The following PLAAT2 variants were observed in gnomAD, a reference collection of about 807,000 sequenced individuals.
PLAAT2 encodes the protein phospholipase A and acyltransferase 2.
PLAAT2 carries 12 observed loss-of-function variants against 12.8 expected under a neutral mutation model. The ratio of observed to expected loss-of-function variants is 0.94; its 90% CI spans 0.60 to 1.52. The LOEUF is 1.52. PLAAT2 is among the 40% of genes most tolerant of loss of function. PLAAT2 has a pLI of 0.00. For synonymous variants in PLAAT2, 79 were observed against 86.8 expected, an observed-to-expected ratio of 0.91 and a Z score of 0.50; for missense variants, 166 against 208.1, an observed-to-expected ratio of 0.80 and a Z score of 1.24.
Position 63,552,944 on chromosome 11 carries a change from G to A in PLAAT2, c.*20C>T. On this transcript the variant is annotated 3_prime_UTR_variant, in exon 4 of 4. Transcript: ENST00000255695. ...TATTCCTCCGTAAGAATTGGTGGTT[G>A]TTGGGACAATTTCTTGGATTTATTG... is the stretch of plus-strand genomic sequence containing the variant. The A allele has an allele frequency of 6.5e-7, 1 of 1,546,460 alleles. No homozygotes were observed. The highest frequency in any genetic ancestry group is 1.1e-5 in the South Asian group (1 of 89,540).
At chr11:63,554,461 C>T (rs1181980442) in intron 3 of PLAAT2, among the ~76,000 whole-genome samples, 13 of 151,746 alleles carry the variant, frequency 8.6e-5, no homozygotes, top group African/African-American at 2.7e-4. Flanking sequence ...GTGAGACCCC[C>T]GTCTCCACTA....
intron 1 of PLAAT2, among the ~76,000 whole-genome samples, chr11:63,561,531 C>G (rs1298194326): frequency 1.3e-5 from 2 of 150,988 alleles, no homozygotes; most frequent in Non-Finnish European, 3.0e-5. Context: ...TGTAATCCCA[C>G]CCACTTGGGA....
intron 2 of PLAAT2, 75 bp downstream of exon 2, chr11:63,560,010 G>C (rs996783818): frequency 9.9e-7 from 1 of 1,014,298 alleles, no homozygotes; most frequent in Middle Eastern, 2.1e-4. Flanking sequence ...CTGAAGTGAG[G>C]ACAAGCACGT....
upstream of PLAAT2, chr11:63,563,471 C>T: frequency 1.0e-5 from 9 of 880,940 alleles, no homozygotes; most frequent in South Asian, 1.3e-4. Flanking sequence ...GTAATCCCAG[C>T]ACTTTGAGAG....
rs1156383554 is a variant in PLAAT2, at chr11:63,563,369, A to G, written c.-45T>C. 6.2e-7 allele frequency: 1 copy of G among 1,613,588 alleles called. No homozygotes were observed. Among genetic ancestry groups the G allele is most frequent in the Non-Finnish European group, 8.5e-7 (1 of 1,179,640 alleles). ...CTTGTGTGTTGCTGACTCTGTGTCCAGCCTTAAATTAGCTCTGAGTTTCAC... is the reference window on the plus strand; with the variant it reads ...CTTGTGTGTTGCTGACTCTGTGTCCGGCCTTAAATTAGCTCTGAGTTTCAC... On this transcript the variant is annotated 5_prime_UTR_variant, in exon 1 of 4. Coordinates refer to ENST00000255695, the MANE Select transcript of PLAAT2 (RefSeq NM_017878.2).
Position 63,563,352 on chromosome 11 carries a change from T to C in PLAAT2, c.-28A>G. Reference sequence around the variant, plus strand: ...TTCCTTCAAGATGATGTCTTGTGTGTTGCTGACTCTGTGTCCAGCCTTAAA... The same window carrying C: ...TTCCTTCAAGATGATGTCTTGTGTGCTGCTGACTCTGTGTCCAGCCTTAAA... On this transcript the variant is annotated 5_prime_UTR_variant, in exon 1 of 4. Transcript: ENST00000255695. 4 of 1,614,128 alleles carry C rather than the reference T, an allele frequency of 2.5e-6. No individual in the cohort carries two copies. The highest frequency in any genetic ancestry group is 3.4e-6 in the Non-Finnish European group (4 of 1,179,968).
In PLAAT2 at chr11:63,560,169, C is replaced by A; in HGVS notation, c.34G>T (p.Asp12Tyr). The A allele has an allele frequency of 6.2e-7, 1 of 1,613,674 alleles. No homozygotes were observed. Among genetic ancestry groups the A allele is most frequent in the South Asian group, 1.1e-5 (1 of 90,972 alleles). Residue 12 changes from aspartate (D) to tyrosine (Y), a missense_variant, in exon 2 of 4, where the codon GAC becomes TAC. By Grantham distance (160) the Asp-to-Tyr change is radical (BLOSUM62 -3). Transcript: ENST00000255695. ...CCAAAGCGAGAAATCTCAATCAGGTCTCCAAGTCTCGGTCTTGGTCTGGCC... is the reference window on the plus strand; with the variant it reads ...CCAAAGCGAGAAATCTCAATCAGGTATCCAAGTCTCGGTCTTGGTCTGGCC... ...ALARPRPRLG[D>Y]LIEISRFGYA...
In PLAAT2 at chr11:63,560,094, C is replaced by T; in HGVS notation, c.109G>A (p.Ala37Thr). Reference protein sequence around the residue: ...YVGDGYVVHLAPASEIAGAGA... With the variant: ...YVGDGYVVHLTPASEIAGAGA... Reference sequence around the variant, plus strand: ...GAGAACCCATCCTTACTTGCCGGAGCCAGATGGACCACATAGCCATCTCCC... The same window carrying T: ...GAGAACCCATCCTTACTTGCCGGAGTCAGATGGACCACATAGCCATCTCCC... The change falls in exon 2 of 4, where the codon GCT becomes ACT. Residue 37 changes from alanine (A) to threonine (T), a missense_variant. Coordinates refer to ENST00000255695, the MANE Select transcript of PLAAT2 (RefSeq NM_017878.2). The T allele has an allele frequency of 6.2e-7, 1 of 1,607,586 alleles. No homozygotes were observed. The highest frequency in any genetic ancestry group is 8.5e-7 in the Non-Finnish European group (1 of 1,174,952).
Position 63,552,813 on chromosome 11 carries a change from A to G in PLAAT2, c.*151T>C, listed in dbSNP as rs1221771887. 6 of 609,594 alleles carry G rather than the reference A, an allele frequency of 9.8e-6. No homozygotes were observed. In the East Asian group the frequency reaches 1.7e-4, roughly 17 times the overall value. The allele number at this position is 609,594 out of a possible 1,614,324, so 37.8% of individuals were successfully genotyped here. ...TTTAATAGAATTCATACTAAGCTGCATTTCCAAATACATTTTCCTGTGCTT... is the reference window on the plus strand; with the variant it reads ...TTTAATAGAATTCATACTAAGCTGCGTTTCCAAATACATTTTCCTGTGCTT... On this transcript the variant is annotated 3_prime_UTR_variant, in exon 4 of 4. Coordinates refer to ENST00000255695, the MANE Select transcript of PLAAT2 (RefSeq NM_017878.2).
At chr11:63,563,439 C>T (rs1164557425), upstream of PLAAT2, 1 of 1,364,236 alleles carries the variant, frequency 7.3e-7, no homozygotes, top group Non-Finnish European at 1.0e-6. Context: ...AGAACATAGG[C>T]TGGGTGCGGT....
intron 2 of PLAAT2, 36 bp from the exon 3 acceptor site, chr11:63,558,696 T>C (rs1565240399): frequency 1.2e-6 from 2 of 1,607,086 alleles, no homozygotes; most frequent in Non-Finnish European, 1.7e-6. Context: ...GGGCAGGGCC[T>C]GGGGGGCTCA....
chr11:63,558,119 G>T (rs575414159), intron 3 of PLAAT2, among the ~76,000 whole-genome samples: 1 of 152,018 alleles, frequency 6.6e-6, no homozygotes, highest in Non-Finnish European at 1.5e-5. Flanking sequence ...TCATAAAGCC[G>T]GCCTCTAGGG....
At chr11:63,553,498 A>C (rs1345630630) in intron 3 of PLAAT2, among the ~76,000 whole-genome samples, 6 of 151,842 alleles carry the variant, frequency 4.0e-5, no homozygotes, top group Admixed American at 3.9e-4. Context: ...AAAAAAAAAA[A>C]AACAGCTGAG....
intron 3 of PLAAT2, among the ~76,000 whole-genome samples, chr11:63,554,638 GA>G (rs577431247): frequency 0.014 from 1,636 of 118,210 alleles, 22 homozygotes; most frequent in African/African-American, 0.044. Flanking sequence ...AAAAAAAAAA[GA>G]AAAAAAAAAA....
At chr11:63,560,534 T>G (rs761196766) in intron 1 of PLAAT2, among the ~76,000 whole-genome samples, 19 of 152,218 alleles carry the variant, frequency 1.2e-4, no homozygotes, top group Non-Finnish European at 2.2e-4. Flanking sequence ...AGCTAGTGAC[T>G]GCATGATTCC....
chr11:63,553,268 G>C (rs2017434677), intron 3 of PLAAT2, among the ~76,000 whole-genome samples: 1 of 152,032 alleles, frequency 6.6e-6, no homozygotes. Flanking sequence ...GGTGGGCACA[G>C]AATGAATGGA....
Position 63,552,837 on chromosome 11 carries a change from T to A in PLAAT2, c.*127A>T. On this transcript the variant is annotated 3_prime_UTR_variant, in exon 4 of 4. Transcript: ENST00000255695. ...CATTTCCAAATACATTTTCCTGTGC[T>A]TTTAACTCCATTAAAATAAAGATTC... The A allele has an allele frequency of 1.5e-6, 1 of 655,166 alleles. No individual in the cohort carries two copies. 40.6% of individuals were successfully genotyped at this position (655,166 alleles called of 1,614,324 possible).
rs772278721 is a variant in PLAAT2, at chr11:63,560,094, C to A, written c.109G>T (p.Ala37Ser). 30 of 1,607,586 alleles carry A rather than the reference C, an allele frequency of 1.9e-5. No homozygotes were observed. The African/African-American group carries it at 3.9e-4, about 21-fold the overall frequency. Residue 37 changes from alanine to serine, a missense_variant, in exon 2 of 4, where the codon GCT (alanine) becomes TCT (serine). By Grantham distance (99) the Ala-to-Ser change is moderately conservative. Transcript: ENST00000255695. ...GAGAACCCATCCTTACTTGCCGGAG[C>A]CAGATGGACCACATAGCCATCTCCC... ...YVGDGYVVHL[A>S]PASEIAGAGA...
In PLAAT2 at chr11:63,552,998, A is replaced by G; in HGVS notation, c.455T>C (p.Ile152Thr). The change falls in exon 4 of 4, where the codon ATC becomes ACC. Residue 152 changes from isoleucine (I) to threonine (T), a missense_variant. Physicochemically the swap from Ile to Thr is moderately conservative, Grantham distance 89. Coordinates refer to ENST00000255695, the MANE Select transcript of PLAAT2 (RefSeq NM_017878.2). Reference protein sequence around the residue: ...GLLAAASLVGILLARSKRERQ With the variant: ...GLLAAASLVGTLLARSKRERQ ...TTCCCGCTTGCTTCTGGCCAGCAGG[A>G]TCCCCACAAGGCTTGCGGCAGCCAG... 1.2e-6 allele frequency: 2 copies of G among 1,614,012 alleles called. No individual in the cohort carries two copies. The highest frequency in any genetic ancestry group is 1.7e-6 in the Non-Finnish European group (2 of 1,179,930).
Sources: allele counts gnomAD v4.1 joint callset (sites outside exome capture counted in the v4.1 genomes callset), GRCh38; gene constraint gnomAD v4.1.1; transcripts MANE v1.5; gene names NCBI Gene and HGNC (gene_info 2026-07-23, HGNC 2026-07-21).